KLHL6: variants seen among roughly 807,000 people sequenced by gnomAD.
KLHL6 encodes kelch like family member 6, also known as kelch-like protein 6.
A neutral mutation model predicts 58.6 loss-of-function variants in KLHL6; 41 were observed. That is an observed-to-expected ratio of 0.70 (90% CI 0.55 to 0.91). The LOEUF is 0.91. KLHL6 is among the 40% of genes least tolerant of loss of function. The pLI, the probability that KLHL6 is intolerant of heterozygous loss-of-function variation, is 0.00. For synonymous variants in KLHL6, 338 were observed against 322.7 expected (o/e 1.05, Z -0.51); for missense variants, 714 against 805.6 (o/e 0.89, Z 1.38).
At chr3:183,529,611 G>A (rs1395622564) in intron 1 of KLHL6, among the ~76,000 whole-genome samples, 2 of 152,060 alleles carry the variant, frequency 1.3e-5, no homozygotes, top group African/African-American at 2.4e-5. Context: ...GCCAAGGCGG[G>A]TGCATCACTT....
chr3:183,535,283 G>A (rs1712328853), intron 1 of KLHL6, among the ~76,000 whole-genome samples: 1 of 152,108 alleles, frequency 6.6e-6, no homozygotes, highest in Non-Finnish European at 1.5e-5. Flanking sequence ...GTGCAGAGTA[G>A]GCACAATTCA....
chr3:183,499,844 G>T lies in KLHL6; in HGVS notation c.910-17C>A, dbSNP rs1315414228. The T allele has an allele frequency of 1.9e-6, 3 of 1,546,792 alleles. No individual in the cohort carries two copies. Among genetic ancestry groups the T allele is most frequent in the African/African-American group, 2.8e-5 (2 of 72,174 alleles). ...CGAAATGATCTGGAAATCGATGGGGGTACATGAAGGCAGGGACAACACAAA... is the reference window on the plus strand; with the variant it reads ...CGAAATGATCTGGAAATCGATGGGGTTACATGAAGGCAGGGACAACACAAA... On this transcript the variant is annotated splice_polypyrimidine_tract_variant and intron_variant, in intron 3 of 6. Transcript: ENST00000341319. This position sits in a 1 kb window ranked among gnomAD's most constrained non-coding sequence, Gnocchi z 4.6.
intron 1 of KLHL6, among the ~76,000 whole-genome samples, chr3:183,530,782 C>G (rs1712129002): frequency 6.6e-6 from 1 of 150,504 alleles, no homozygotes; most frequent in South Asian, 2.1e-4. Context: ...TGTCAGACTT[C>G]TTGGATTTGA....
At position 183,508,329 on chromosome 3, in the gene KLHL6, C is replaced by T; in HGVS notation, c.639G>A (p.Leu213=). Residue 213 remains leucine (L), a synonymous_variant, in exon 3 of 7, where the codon CTG becomes CTA. Transcript: ENST00000341319. ...QILNSEEFLD[L]PVDTLHHILK... is the part of the protein sequence containing the mutation. ...AGATGTGGTGCAGAGTGTCCACGGG[C>T]AGGTCAAGAAACTCCTCAGAGTTCA... The T allele has an allele frequency of 6.2e-7, 1 of 1,614,210 alleles. No individual in the cohort carries two copies. The highest frequency in any genetic ancestry group is 1.1e-5 in the South Asian group (1 of 91,086).
rs6798861 is a variant in KLHL6, at chr3:183,502,961, A to G, written c.910-3134T>C. ...ATAATTCAGCACCACGGAGCTGCCG[A>G]GTGGTGGCATCATTACCACATTGTA... is the stretch of plus-strand genomic sequence containing the variant. On this transcript the variant is annotated intron_variant, in intron 3 of 6. Transcript: ENST00000341319. Among the ~76,000 whole-genome samples the G allele has an allele frequency of 5.1e-3, 776 of 152,326 alleles. 10 individuals carry two copies. The highest frequency in any genetic ancestry group is 0.017 in the African/African-American group (721 of 41,570).
chr3:183,499,048 T>C lies in KLHL6; in HGVS notation c.1147+542A>G, dbSNP rs1174228824. On this transcript the variant is annotated intron_variant, in intron 4 of 6. Transcript: ENST00000341319. This position sits in a 1 kb window ranked among gnomAD's most constrained non-coding sequence, Gnocchi z 4.6. ...GCCTCCTCCCCAGGTTTTCTATTAA[T>C]AGTACAACGCTGGCCGGACGAGGTG... 2.0e-5 allele frequency among the ~76,000 whole-genome samples: 3 copies of C among 152,200 alleles called. No individual in the cohort carries two copies. The highest frequency in any genetic ancestry group is 4.4e-5 in the Non-Finnish European group (3 of 68,028).
chr3:183,526,264 T>G (rs3928680), intron 2 of KLHL6, among the ~76,000 whole-genome samples: 3 of 152,012 alleles, frequency 2.0e-5, no homozygotes, highest in Non-Finnish European at 2.9e-5. Flanking sequence ...TGAACCAAGA[T>G]TGTGCCATTG....
chr3:183,555,575 A>C lies in KLHL6; in HGVS notation c.79T>G (p.Ser27Ala). The C allele has an allele frequency of 6.2e-7, 1 of 1,614,160 alleles. No individual in the cohort carries two copies. Among genetic ancestry groups the C allele is most frequent in the Non-Finnish European group, 8.5e-7 (1 of 1,180,026 alleles). The part of the protein sequence containing the change: ...EKSLEGPLAP[S>A]TDEPSQKTGD... ...GTTTTCTGGGAGGGCTCATCTGTAG[A>C]AGGTGCCAGGGGCCCTTCCAAACTC... Residue 27 changes from serine to alanine, a missense_variant, in exon 1 of 7, where the codon TCT becomes GCT. Physicochemically the swap from Ser to Ala is moderately conservative, Grantham distance 99. Transcript: ENST00000341319.
intron 1 of KLHL6, among the ~76,000 whole-genome samples, chr3:183,541,198 G>A (rs760372510): frequency 6.6e-6 from 1 of 152,200 alleles, no homozygotes; most frequent in Non-Finnish European, 1.5e-5. Context: ...TATCCCTTGT[G>A]ACAGGCAAAG....
At chr3:183,494,976 A>G (rs558599665) in intron 4 of KLHL6, among the ~76,000 whole-genome samples, 4 of 152,222 alleles carry the variant, frequency 2.6e-5, no homozygotes, top group Non-Finnish European at 5.9e-5. Flanking sequence ...GAAAGAGACA[A>G]AGACAAAGGA....
At position 183,555,369 on chromosome 3, in the gene KLHL6, G is replaced by A; in HGVS notation, c.285C>T (p.Asn95=). 2 of 1,613,900 alleles carry A rather than the reference G, an allele frequency of 1.2e-6. No individual in the cohort carries two copies. Among genetic ancestry groups the A allele is most frequent in the Non-Finnish European group, 1.7e-6 (2 of 1,179,856 alleles). The change falls in exon 1 of 7, where the codon AAC becomes AAT. Residue 95 remains asparagine (N), a synonymous_variant. Transcript: ENST00000341319. ...CHRVVLAAAS[N]YFRAMFCNDL... Reference sequence around the variant, plus strand: ...GTCCTAGGCATGCTGACCTGAAATAGTTGCTGGCTGCGGCAAGCACCACGC... The same window carrying A: ...GTCCTAGGCATGCTGACCTGAAATAATTGCTGGCTGCGGCAAGCACCACGC...
intron 1 of KLHL6, among the ~76,000 whole-genome samples, chr3:183,544,182 A>T (rs1461084691): frequency 6.6e-6 from 1 of 151,736 alleles, no homozygotes; most frequent in Non-Finnish European, 1.5e-5. Context: ...AAAAAAAAAA[A>T]AAAAAGCCAT....
In KLHL6 at chr3:183,554,596, C is replaced by G. The variant is rs534234147; in HGVS notation, c.293+765G>C. Among the ~76,000 whole-genome samples, 8 of 152,330 alleles carry G rather than the reference C, an allele frequency of 5.3e-5. No individual in the cohort carries two copies. The East Asian group carries it at 7.7e-4, about 15-fold the overall frequency. On this transcript the variant is annotated intron_variant, in intron 1 of 6. Coordinates refer to ENST00000341319, the MANE Select transcript of KLHL6 (RefSeq NM_130446.4). ...TTTGTAACTGCTTTCCCTTTCCCCA[C>G]ACTGCCTACACATAAAGAAGCCCCT...
Position 183,492,984 on chromosome 3 carries a change from A to G in KLHL6, c.1351-277T>C. The G allele has an allele frequency of 2.3e-6, 1 of 435,792 alleles. No homozygotes were observed. The highest frequency in any genetic ancestry group is 4.2e-6 in the Non-Finnish European group (1 of 235,792). 27.0% of individuals were successfully genotyped at this position (435,792 alleles called of 1,614,324 possible). Reference sequence around the variant, plus strand: ...AGCTCTCAGGCAAGAATAAGTTTATACAGATGAAGTCAGCCAGTGTGGGAG... The same window carrying G: ...AGCTCTCAGGCAAGAATAAGTTTATGCAGATGAAGTCAGCCAGTGTGGGAG... On this transcript the variant is annotated intron_variant, in intron 5 of 6. Coordinates refer to ENST00000341319, the MANE Select transcript of KLHL6 (RefSeq NM_130446.4). The surrounding 1 kb of genome is among the most constrained non-coding windows in gnomAD (Gnocchi z 5.9).
rs962358359 is a variant in KLHL6, at chr3:183,508,043, C to T, written c.909+16G>A. On this transcript the variant is annotated intron_variant, in intron 3 of 6. Coordinates refer to ENST00000341319, the MANE Select transcript of KLHL6 (RefSeq NM_130446.4). ...ACTTCGCTGGTTAAATATAGCACCT[C>T]TTATCTTCTACTCACCTCATTGCCA... is the stretch of plus-strand genomic sequence containing the variant. The T allele has an allele frequency of 1.2e-6, 2 of 1,607,920 alleles. No homozygotes were observed. The highest frequency in any genetic ancestry group is 2.7e-5 in the African/African-American group (2 of 74,754).
chr3:183,527,415 C>T (rs980879945), intron 2 of KLHL6, among the ~76,000 whole-genome samples: 3 of 151,986 alleles, frequency 2.0e-5, no homozygotes, highest in African/African-American at 7.3e-5. Context: ...GAAAAGCCAC[C>T]CAAAACTGAA....
Position 183,492,454 on chromosome 3 carries a change from G to T in KLHL6, c.1564+40C>A. 6.2e-7 allele frequency: 1 copy of T among 1,603,936 alleles called. No individual in the cohort carries two copies. The highest frequency in any genetic ancestry group is 1.1e-5 in the South Asian group (1 of 90,740). On this transcript the variant is annotated intron_variant, in intron 6 of 6. Transcript: ENST00000341319. This position sits in a 1 kb window ranked among gnomAD's most constrained non-coding sequence, Gnocchi z 5.9. Reference sequence around the variant, plus strand: ...ACGTGCTGCAGCCAGGCGCTCATCAGGTTCTAAGCCATTCAGACCAATAAG... The same window carrying T: ...ACGTGCTGCAGCCAGGCGCTCATCATGTTCTAAGCCATTCAGACCAATAAG...
At chr3:183,534,950 A>ATATATTTT (rs1356557331) in intron 1 of KLHL6, among the ~76,000 whole-genome samples, 218 of 96,742 alleles carry the variant, frequency 2.3e-3, no homozygotes, top group African/African-American at 6.6e-3. Flanking sequence ...ATATATATAT[A>ATATATTTT]TTTTTTTTTT....
chr3:183,525,355 G>A (rs1711930724), intron 2 of KLHL6, among the ~76,000 whole-genome samples: 1 of 151,870 alleles, frequency 6.6e-6, no homozygotes, highest in Non-Finnish European at 1.5e-5. Flanking sequence ...ATACCTTAGG[G>A]AAATGTTCTC....
Sources: allele counts gnomAD v4.1 joint callset (sites outside exome capture counted in the v4.1 genomes callset), GRCh38; gene constraint gnomAD v4.1.1; non-coding constraint Gnocchi (gnomAD v3.1); transcripts MANE v1.5; gene names NCBI Gene and HGNC (gene_info 2026-07-23, HGNC 2026-07-21).